The following SECISBP2 variants were observed in gnomAD, a reference collection of about 807,000 sequenced individuals.
SECISBP2 encodes the protein SECIS binding protein 2.
Under a neutral mutation model 98.2 loss-of-function variants are expected in SECISBP2, and 96 were observed. That is an observed-to-expected ratio of 0.98 (90% CI 0.83 to 1.16). SECISBP2 has a LOEUF of 1.16. SECISBP2 is among the 50% of genes most tolerant of loss of function. SECISBP2 has a pLI of 0.00. For synonymous variants in SECISBP2, 407 were observed against 370.2 expected, an observed-to-expected ratio of 1.10 and a Z score of -1.14; for missense variants, 1,046 against 1,022.9, an observed-to-expected ratio of 1.02 and a Z score of -0.31.
In SECISBP2 at chr9:89,318,700, C is replaced by A. The variant is rs1825131701; in HGVS notation, c.36+88C>A. ...TCGGCCGGGCGGTGACGGGGCTGGTCCAGCGGGCGTGGGTCGGATGCTGGT... is the reference window on the plus strand; with the variant it reads ...TCGGCCGGGCGGTGACGGGGCTGGTACAGCGGGCGTGGGTCGGATGCTGGT... On this transcript the variant is annotated intron_variant, in intron 1 of 16. Transcript: ENST00000375807. The A allele has an allele frequency of 3.8e-6, 5 of 1,305,752 alleles. No homozygotes were observed. In the South Asian group the frequency reaches 7.1e-5, roughly 18 times the overall value. 80.9% of individuals were successfully genotyped at this position (1,305,752 alleles called of 1,614,324 possible). A position where few individuals can be genotyped will look rare whatever the true frequency, so the allele number is the denominator to read the frequency against.
At chr9:89,340,050 G>A in intron 9 of SECISBP2, 97 bp downstream of exon 9, 1 of 833,098 alleles carries the variant, frequency 1.2e-6, no homozygotes, top group Admixed American at 1.9e-5. Context: ...TTTCTGTATG[G>A]TGACAGGTGG....
intron 10 of SECISBP2, among the ~76,000 whole-genome samples, chr9:89,343,516 C>T (rs1025822481): frequency 2.6e-5 from 4 of 152,106 alleles, no homozygotes; most frequent in Non-Finnish European, 5.9e-5. Flanking sequence ...CTCAAGTAGG[C>T]CCCAGTGTCT....
intron 10 of SECISBP2, 116 bp from the exon 11 acceptor site, chr9:89,346,766 G>C: frequency 1.8e-6 from 2 of 1,120,770 alleles, no homozygotes; most frequent in Non-Finnish European, 2.7e-6. Context: ...CAAGCTGGGG[G>C]TGACTTGGCA....
intron 8 of SECISBP2, 105 bp from the exon 9 acceptor site, chr9:89,339,759 A>G (rs1829369617): frequency 1.2e-6 from 1 of 821,634 alleles, no homozygotes; most frequent in Non-Finnish European, 2.1e-6. Context: ...TTTTTAAATC[A>G]CTTTTAAGGG....
At chr9:89,340,125 A>G (rs1441154574) in intron 9 of SECISBP2, among the ~76,000 whole-genome samples, 172 bp downstream of exon 9, 1 of 152,186 alleles carries the variant, frequency 6.6e-6, no homozygotes, top group Non-Finnish European at 1.5e-5. Flanking sequence ...AATTGCTCTT[A>G]AATAATAAGA....
chr9:89,323,762 G>T (rs1164400551), intron 2 of SECISBP2: 1 of 152,208 alleles, frequency 6.6e-6, no homozygotes, highest in Non-Finnish European at 1.5e-5. Flanking sequence ...GTGAGTTACT[G>T]CTTTGATGTT....
chr9:89,344,492 G>A (rs1443826382), intron 10 of SECISBP2, among the ~76,000 whole-genome samples: 1 of 152,292 alleles, frequency 6.6e-6, no homozygotes, highest in Non-Finnish European at 1.5e-5. Context: ...TGTATGTGGT[G>A]TAAGGAAGGG....
rs1214886577 is a variant in SECISBP2 at position 89,319,095 on chromosome 9, C to G, written c.36+483C>G. 7.3e-6 allele frequency: 7 copies of G among 965,056 alleles called. No homozygotes were observed. In the South Asian group the frequency reaches 2.2e-4, roughly 30 times the overall value. 59.8% of individuals were successfully genotyped at this position (965,056 alleles called of 1,614,324 possible). ...AAATCTCTTACTACGTCACTAAAAA[C>G]TAAAGAAAGAAATCTTAGTGAATTG... On this transcript the variant is annotated intron_variant, in intron 1 of 16. Coordinates refer to ENST00000375807, the MANE Select transcript of SECISBP2 (RefSeq NM_024077.5).
chr9:89,365,708 C>T, the SECISBP2 span: 2 of 152,256 alleles, frequency 1.3e-5, no homozygotes, highest in African/African-American at 4.8e-5. Flanking sequence ...TGGCCTTGTT[C>T]TCAGGTGTAG....
At chr9:89,366,959 G>A in the SECISBP2 span, among the ~76,000 whole-genome samples, 3 of 152,184 alleles carry the variant, frequency 2.0e-5, no homozygotes, top group Admixed American at 6.5e-5. Context: ...ATCACCCAAC[G>A]CCCCATCATG....
At chr9:89,330,568 T>A (rs144230805) in intron 5 of SECISBP2, 1 of 152,294 alleles carries the variant, frequency 6.6e-6, no homozygotes, top group Non-Finnish European at 1.5e-5. Flanking sequence ...TTGCTGGTAA[T>A]GTGCAGAAGA....
At position 89,318,524 on chromosome 9, in the gene SECISBP2, G is replaced by C. The variant is rs961641888; in HGVS notation, c.-53G>C. ...CGGAAACGCTTTGTCTGTCCGGCAA[G>C]CCGACGGCCCGCTGCTGGCCTCCGT... On this transcript the variant is annotated 5_prime_UTR_variant, in exon 1 of 17. Transcript: ENST00000375807. 1 of 1,511,308 alleles carries C rather than the reference G, an allele frequency of 6.6e-7. No homozygotes were observed. 93.6% of individuals were successfully genotyped at this position (1,511,308 alleles called of 1,614,324 possible).
intron 10 of SECISBP2, among the ~76,000 whole-genome samples, chr9:89,342,185 C>G (rs1829750809): frequency 6.6e-6 from 1 of 152,106 alleles, no homozygotes; most frequent in African/African-American, 2.4e-5. Context: ...AAAAGATACT[C>G]AATATCATTA....
At chr9:89,321,359 T>G (rs1242838235) in intron 2 of SECISBP2, among the ~76,000 whole-genome samples, 2 of 152,218 alleles carry the variant, frequency 1.3e-5, no homozygotes, top group Non-Finnish European at 2.9e-5. Context: ...GAATGGGCAG[T>G]GCTGAATTTA....
intron 1 of SECISBP2, chr9:89,318,846 A>T: frequency 2.4e-6 from 3 of 1,272,916 alleles, no homozygotes; most frequent in Non-Finnish European, 3.0e-6. Context: ...CTGTGGTGCG[A>T]TGTCACCCAG....
At chr9:89,335,565 A>G (rs1401116048) in intron 7 of SECISBP2, among the ~76,000 whole-genome samples, 1 of 152,128 alleles carries the variant, frequency 6.6e-6, no homozygotes, top group East Asian at 1.9e-4. Context: ...TCCTGACCTC[A>G]GGTGACCCAT....
At chr9:89,350,949 G>T in intron 14 of SECISBP2, 97 bp downstream of exon 14, 1 of 986,710 alleles carries the variant, frequency 1.0e-6, no homozygotes, top group South Asian at 1.3e-5. Flanking sequence ...CATGCCACAG[G>T]TCTTGACAAC....
chr9:89,324,416 A>T (rs1041252063), intron 2 of SECISBP2: 2 of 152,280 alleles, frequency 1.3e-5, no homozygotes, highest in Non-Finnish European at 2.9e-5. Context: ...AATAGTAAAC[A>T]GTGAGATGAG....
rs1484356208 is a variant in SECISBP2, at chr9:89,350,716, G to A, written c.1977G>A (p.Met659Ile). ...AACTGGTCCGTTTCCAAGACCGTAT[G>A]TACCAGAAAGATCCAGTCAAGGCCA... ...LKELVRFQDRMYQKDPVKAKT... is the reference protein window; with the variant it reads ...LKELVRFQDRIYQKDPVKAKT... Residue 659 changes from methionine (M) to isoleucine (I), a missense_variant, in exon 14 of 17, where the codon ATG (methionine) becomes ATA (isoleucine). Met to Ile is a conservative substitution (Grantham distance 10). Transcript: ENST00000375807. The A allele has an allele frequency of 1.2e-6, 2 of 1,614,210 alleles. No individual in the cohort carries two copies. The highest frequency in any genetic ancestry group is 1.7e-5 in the Admixed American group (1 of 60,028).
Sources: gnomAD v4.1 joint callset for allele counts (sites outside exome capture counted in the v4.1 genomes callset) on GRCh38, gnomAD v4.1.1 for gene constraint, MANE v1.5 for transcripts, NCBI Gene and HGNC (gene_info 2026-07-23, HGNC 2026-07-21) for gene names.